Variants in FBXL7 observed in about 807,000 individuals in gnomAD.
FBXL7 encodes F-box and leucine rich repeat protein 7, also known as F-box/LRR-repeat protein 7.
In FBXL7, 12 loss-of-function variants were observed where a neutral mutation model predicts 38.3. That is an observed-to-expected ratio of 0.31 (90% CI 0.20 to 0.51). The LOEUF is 0.51. FBXL7 is among the 20% of genes least tolerant of loss of function. The pLI is 0.98. For missense variants in FBXL7, 567 were observed against 676.4 expected (o/e 0.84, Z 1.79); for synonymous variants, 297 against 300.9 (o/e 0.99, Z 0.13).
intron 1 of FBXL7, among the ~76,000 whole-genome samples, chr5:15,566,672 A>G (rs1366936196): frequency 6.6e-6 from 1 of 152,168 alleles, no homozygotes; most frequent in African/African-American, 2.4e-5. Context: ...TTTTATCGCA[A>G]ATGAATAAAT....
chr5:15,690,240 A>G (rs947299594), intron 2 of FBXL7, among the ~76,000 whole-genome samples: 2 of 152,222 alleles, frequency 1.3e-5, no homozygotes, highest in Non-Finnish European at 2.9e-5. Context: ...AATCAGTTTT[A>G]TGGGTATAAC....
chr5:15,773,447 C>T (rs1036641274), intron 2 of FBXL7, among the ~76,000 whole-genome samples: 3 of 151,912 alleles, frequency 2.0e-5, no homozygotes, highest in Admixed American at 1.3e-4. Context: ...AGTTCAAGAC[C>T]AGCCTGGGCA....
At position 15,761,815 on chromosome 5, in the gene FBXL7, G is replaced by A. The variant is rs552295520; in HGVS notation, c.127+145743G>A. Among the ~76,000 whole-genome samples the A allele has an allele frequency of 2.0e-5, 3 of 152,318 alleles. No individual in the cohort carries two copies. In the East Asian group the frequency reaches 5.8e-4, roughly 29 times the overall value. On this transcript the variant is annotated intron_variant, in intron 2 of 3. Transcript: ENST00000504595. ...CCCACTTTGGCCTCTCAAAGTGGCAGGTGTGAGCCACCATGTCAGGCTGAA... is the reference window on the plus strand; with the variant it reads ...CCCACTTTGGCCTCTCAAAGTGGCAAGTGTGAGCCACCATGTCAGGCTGAA...
chr5:15,637,074 A>G (rs998659483), intron 2 of FBXL7, among the ~76,000 whole-genome samples: 1 of 152,202 alleles, frequency 6.6e-6, no homozygotes, highest in Non-Finnish European at 1.5e-5. Flanking sequence ...CCATTCTCAT[A>G]TGCTAATAAA....
At chr5:15,827,987 A>T (rs982456030) in intron 2 of FBXL7, among the ~76,000 whole-genome samples, 4 of 152,172 alleles carry the variant, frequency 2.6e-5, no homozygotes, top group African/African-American at 9.6e-5. Context: ...GCAGCTCAGA[A>T]CTGTTTTCTG....
intron 1 of FBXL7, among the ~76,000 whole-genome samples, chr5:15,554,786 G>C (rs990136482): frequency 6.6e-6 from 1 of 152,176 alleles, no homozygotes; most frequent in African/African-American, 2.4e-5. Flanking sequence ...GACTGTCATG[G>C]GGAAGATGTT....
rs1180874639 is a variant in FBXL7, at chr5:15,686,180, C to T, written c.127+70108C>T. On this transcript the variant is annotated intron_variant, in intron 2 of 3. Transcript: ENST00000504595. ...TAACTTTGTTTACTATTCATCTGGT[C>T]ACTCTCAGGCCTTTAAATCCTGGGC... is the stretch of plus-strand genomic sequence containing the variant. Among the ~76,000 whole-genome samples, 7 of 152,192 alleles carry T rather than the reference C, an allele frequency of 4.6e-5. No homozygotes were observed. In the East Asian group the frequency reaches 1.2e-3, roughly 25 times the overall value.
At chr5:15,822,138 G>A (rs1215957243) in intron 2 of FBXL7, among the ~76,000 whole-genome samples, 2 of 151,010 alleles carry the variant, frequency 1.3e-5, no homozygotes, top group Non-Finnish European at 2.9e-5. Context: ...GAATCACGAG[G>A]TCAGGAGATC....
Position 15,500,213 on chromosome 5 carries a change from C to T in FBXL7, c.-464C>T, listed in dbSNP as rs1736449756. 6.6e-6 allele frequency: 1 copy of T among 152,026 alleles called. No individual in the cohort carries two copies. Among genetic ancestry groups the T allele is most frequent in the African/African-American group, 2.4e-5 (1 of 41,446 alleles). 9.4% of individuals were successfully genotyped at this position (152,026 alleles called of 1,614,324 possible). On this transcript the variant is annotated 5_prime_UTR_variant, in exon 1 of 4. Transcript: ENST00000504595. ...GCTAGTCTTCACTCGCTCCGGGGAC[C>T]CGCAACAAGTGGCCGCCGCGCCCTC...
At chr5:15,523,698 T>C (rs756894918) in intron 1 of FBXL7, among the ~76,000 whole-genome samples, 19 of 152,312 alleles carry the variant, frequency 1.2e-4, no homozygotes, top group Non-Finnish European at 2.2e-4. Context: ...TCTGCACATA[T>C]GTATCCCAGT....
At chr5:15,646,995 A>T (rs1306311729) in intron 2 of FBXL7, among the ~76,000 whole-genome samples, 4 of 152,184 alleles carry the variant, frequency 2.6e-5, no homozygotes, top group Non-Finnish European at 2.9e-5. Flanking sequence ...TCTGGTCTTC[A>T]AGTATTAAAT....
At chr5:15,755,265 A>T (rs1293267490) in intron 2 of FBXL7, among the ~76,000 whole-genome samples, 1 of 152,204 alleles carries the variant, frequency 6.6e-6, no homozygotes. Flanking sequence ...CATTAACAAA[A>T]ATATGTAATT....
chr5:15,823,257 G>T (rs541799940), intron 2 of FBXL7, among the ~76,000 whole-genome samples: 1 of 152,162 alleles, frequency 6.6e-6, no homozygotes, highest in Non-Finnish European at 1.5e-5. Flanking sequence ...TGAGTCCAAT[G>T]TGTGTCAACA....
intron 2 of FBXL7, among the ~76,000 whole-genome samples, chr5:15,630,619 A>G (rs147974624): frequency 7.2e-4 from 110 of 152,272 alleles, no homozygotes; most frequent in Non-Finnish European, 5.1e-4. Flanking sequence ...GCTTCAGATT[A>G]TCTTTTGCAA....
chr5:15,862,482 G>T (rs1398805548), intron 2 of FBXL7, among the ~76,000 whole-genome samples: 1 of 152,108 alleles, frequency 6.6e-6, no homozygotes, highest in African/African-American at 2.4e-5. Context: ...GGCATTTTAT[G>T]TATATTATTG....
intron 2 of FBXL7, among the ~76,000 whole-genome samples, chr5:15,719,589 A>T (rs79579493): frequency 0.025 from 3,657 of 149,042 alleles, 342 homozygotes; most frequent in East Asian, 0.068. Context: ...ATTGTGACAG[A>T]TAGCATACAG....
At chr5:15,894,231 A>T (rs1458665647) in intron 2 of FBXL7, among the ~76,000 whole-genome samples, 1 of 152,260 alleles carries the variant, frequency 6.6e-6, no homozygotes, top group East Asian at 1.9e-4. Flanking sequence ...ATTGCGCTCC[A>T]GCCTGGGCAA....
At chr5:15,768,918 A>G (rs1736661120) in intron 2 of FBXL7, among the ~76,000 whole-genome samples, 1 of 152,234 alleles carries the variant, frequency 6.6e-6, no homozygotes, top group African/African-American at 2.4e-5. Flanking sequence ...TCAGGGCTCA[A>G]TTTATCAAAA....
At chr5:15,630,687 T>C (rs1740966854) in intron 2 of FBXL7, among the ~76,000 whole-genome samples, 1 of 152,194 alleles carries the variant, frequency 6.6e-6, no homozygotes, top group African/African-American at 2.4e-5. Flanking sequence ...TGTTTAGCTG[T>C]ATTGGAACTG....
Sources: gnomAD v4.1 joint callset for allele counts (sites outside exome capture counted in the v4.1 genomes callset) on GRCh38, gnomAD v4.1.1 for gene constraint, MANE v1.5 for transcripts, NCBI Gene and HGNC (gene_info 2026-07-23, HGNC 2026-07-21) for gene names.